PUM1: variants seen among roughly 807,000 people sequenced by gnomAD.
PUM1 encodes pumilio RNA binding family member 1.
Under a neutral mutation model 131.8 loss-of-function variants are expected in PUM1, and 13 were observed. The observed-to-expected ratio is 0.10, with a 90% CI of 0.06 to 0.16. PUM1 has a LOEUF of 0.16. Among genes scored for constraint, PUM1 ranks in the 10% least tolerant of loss-of-function variants. The pLI is 1.00. For missense variants in PUM1, 961 were observed against 1,512.4 expected (o/e 0.64, Z 6.05); for synonymous variants, 509 against 556.5 (o/e 0.91, Z 1.20).
intron 2 of PUM1, among the ~76,000 whole-genome samples, chr1:31,048,844 C>A (rs922478721): frequency 1.3e-5 from 2 of 152,152 alleles, no homozygotes; most frequent in African/African-American, 4.8e-5. Context: ...ATTTTCCTAT[C>A]ATGACCTTTT....
chr1:31,061,676 C>CA (rs1644371977), intron 1 of PUM1: 1 of 151,550 alleles, frequency 6.6e-6, no homozygotes, highest in African/African-American at 2.4e-5. Flanking sequence ...CCAGAAGCCT[C>CA]AGTTGGGTGT....
intron 17 of PUM1, chr1:30,949,214 C>A (rs770738252): frequency 2.4e-6 from 1 of 413,884 alleles, no homozygotes; most frequent in South Asian, 1.7e-5. Flanking sequence ...AATGGCCAAC[C>A]AACCCCTCAA....
chr1:31,042,472 CA>C (rs1262462326), intron 2 of PUM1, among the ~76,000 whole-genome samples: 2 of 152,028 alleles, frequency 1.3e-5, no homozygotes, highest in South Asian at 2.1e-4. Flanking sequence ...AGCACTTCAT[CA>C]GGGGAAAAAA....
At chr1:30,999,314 A>T (rs1405723210) in intron 5 of PUM1, among the ~76,000 whole-genome samples, 1 of 152,172 alleles carries the variant, frequency 6.6e-6, no homozygotes, top group Non-Finnish European at 1.5e-5. Context: ...CTTTTAAAAA[A>T]ATACTGAACC....
intron 1 of PUM1, among the ~76,000 whole-genome samples, chr1:31,064,617 G>A (rs1644439963): frequency 6.6e-6 from 1 of 151,970 alleles, no homozygotes; most frequent in South Asian, 2.1e-4. Context: ...ATTAATCCCA[G>A]TAATAACAGG....
intron 2 of PUM1, among the ~76,000 whole-genome samples, chr1:31,032,552 A>G (rs1183584341): frequency 5.0e-5 from 7 of 140,726 alleles, no homozygotes; most frequent in African/African-American, 1.9e-4. Flanking sequence ...GCTGGAGTGC[A>G]GTGGCGTGAT....
At position 30,941,204 on chromosome 1, in the gene PUM1, A is replaced by G; in HGVS notation, c.3189T>C (p.Ile1063=). Residue 1063 remains isoleucine (I), a synonymous_variant, in exon 20 of 22, where the codon ATT becomes ATC. Transcript: ENST00000426105. ...EHGRPEDKSK[I]VAEIRGNVLV... ...GTACATTGCCTCGGATTTCTGCTAC[A>G]ATTTTGCTTTTATCCTCAGGACGAC... The G allele has an allele frequency of 6.2e-7, 1 of 1,613,718 alleles. No individual in the cohort carries two copies. The highest frequency in any genetic ancestry group is 8.5e-7 in the Non-Finnish European group (1 of 1,179,714).
chr1:30,950,039 A>T (rs1570109464), intron 17 of PUM1, 88 bp downstream of exon 17: 2 of 1,444,334 alleles, frequency 1.4e-6, no homozygotes, highest in East Asian at 4.7e-5. Context: ...CATAAAAGAA[A>T]ACTGAAAATT....
intron 2 of PUM1, among the ~76,000 whole-genome samples, chr1:31,038,984 A>ATATATATATATATATATTTTTTTTT: frequency 8.1e-5 from 4 of 49,412 alleles, no homozygotes; most frequent in African/African-American, 6.2e-4. Context: ...ATATATATAT[A>ATATATATATATATATATTTTTTTTT]TTTTTTTTTT....
intron 14 of PUM1, among the ~76,000 whole-genome samples, chr1:30,964,197 T>A (rs567825794): frequency 6.6e-6 from 1 of 152,302 alleles, no homozygotes; most frequent in African/African-American, 2.4e-5. Flanking sequence ...ACAAATATTT[T>A]AAAATATGGC....
intron 2 of PUM1, among the ~76,000 whole-genome samples, chr1:31,040,383 G>A (rs1643777425): frequency 6.6e-6 from 1 of 152,188 alleles, no homozygotes; most frequent in African/African-American, 2.4e-5. Context: ...GAGTAAAGGA[G>A]TACATTTATC....
At chr1:30,939,869 T>TC (rs1639371151) in intron 20 of PUM1, among the ~76,000 whole-genome samples, 3 of 152,248 alleles carry the variant, frequency 2.0e-5, no homozygotes, top group African/African-American at 7.2e-5. Flanking sequence ...AATAAAAACT[T>TC]CTTTTTTTTT....
At chr1:30,977,834 A>C (rs1641199041) in intron 9 of PUM1, among the ~76,000 whole-genome samples, 1 of 152,230 alleles carries the variant, frequency 6.6e-6, no homozygotes, top group Non-Finnish European at 1.5e-5. Context: ...AAGACAATTC[A>C]AGACAGACAG....
At position 30,945,927 on chromosome 1, in the gene PUM1, A is replaced by AGGTGTG. The variant is rs374047072; in HGVS notation, c.2857-450_2857-445dup. Among the ~76,000 whole-genome samples, 683 of 152,218 alleles carry AGGTGTG rather than the reference A, an allele frequency of 4.5e-3. 3 individuals carry two copies. The highest frequency in any genetic ancestry group is 0.015 in the African/African-American group (643 of 41,542). The stretch of plus-strand genomic sequence containing the variant: ...CAGCCTCCCGAGTAGCTGGGATTAC[A>AGGTGTG]GGTGTGTACCACCACACCTGGCTAA... On this transcript the variant is annotated intron_variant, in intron 17 of 21. Coordinates refer to ENST00000426105, the MANE Select transcript of PUM1 (RefSeq NM_001020658.2).
At position 31,005,959 on chromosome 1, in the gene PUM1, T is replaced by C; in HGVS notation, c.614A>G (p.Asn205Ser). 6.2e-7 allele frequency: 1 copy of C among 1,613,838 alleles called. No individual in the cohort carries two copies. Among genetic ancestry groups the C allele is most frequent in the Non-Finnish European group, 8.5e-7 (1 of 1,179,918 alleles). Residue 205 changes from asparagine to serine, a missense_variant, in exon 5 of 22, where the codon AAT (asparagine) becomes AGT (serine). This residue lies in a region of PUM1 where 654 missense variants were observed against 923.9 expected (regional missense o/e 0.71). Coordinates refer to ENST00000426105, the MANE Select transcript of PUM1 (RefSeq NM_001020658.2). ...CTCCGATCGTGGGGACAGTACAGAA[T>C]TGACCTCACTGTTCACATGGAAACT... ...GQSFHVNSEVNSVLSPRSESG... is the reference protein window; with the variant it reads ...GQSFHVNSEVSSVLSPRSESG...
intron 2 of PUM1, among the ~76,000 whole-genome samples, chr1:31,058,780 G>A (rs12028150): frequency 0.28 from 42,540 of 151,670 alleles, 7,623 homozygotes; most frequent in East Asian, 0.53. Flanking sequence ...AGGCCAGCCT[G>A]GACAACATGG....
At chr1:30,982,291 C>A (rs774103151) in intron 7 of PUM1, 2 of 152,148 alleles carry the variant, frequency 1.3e-5, no homozygotes, top group Non-Finnish European at 2.9e-5. Context: ...ACAAATGATA[C>A]CTGCTAGGCA....
At chr1:30,952,123 A>G in intron 16 of PUM1, 111 bp downstream of exon 16, 1 of 1,026,346 alleles carries the variant, frequency 9.7e-7, no homozygotes, top group East Asian at 2.5e-5. Flanking sequence ...AAGACCACAC[A>G]CCCTTCATTC....
At chr1:31,026,971 GGAA>G (rs1643246667) in intron 3 of PUM1, among the ~76,000 whole-genome samples, 3 of 147,036 alleles carry the variant, frequency 2.0e-5, no homozygotes, top group Non-Finnish European at 3.0e-5. Flanking sequence ...AGGCGTTTCT[GGAA>G]GAAGAAAAAA....
Sources: gnomAD v4.1 joint callset for allele counts (sites outside exome capture counted in the v4.1 genomes callset) on GRCh38, gnomAD v4.1.1 for gene constraint, gnomAD v4.1.1 regional missense constraint, MANE v1.5 for transcripts, NCBI Gene and HGNC (gene_info 2026-07-23, HGNC 2026-07-21) for gene names.